The following AKAP9 variants were observed in gnomAD, a reference collection of about 807,000 sequenced individuals.
AKAP9 encodes the protein A-kinase anchoring protein 9, also known as A-kinase anchor protein 9.
A neutral mutation model predicts 488.5 loss-of-function variants in AKAP9; 311 were observed. The observed-to-expected ratio is 0.64, with a 90% CI of 0.58 to 0.70. The LOEUF (loss-of-function observed/expected upper bound fraction) is 0.70. Among genes scored for constraint, AKAP9 ranks in the 30% least tolerant of loss-of-function variants. The pLI is 0.00. For synonymous variants in AKAP9, 1,462 were observed against 1,483.5 expected, an observed-to-expected ratio of 0.99 and a Z score of 0.33; for missense variants, 4,215 against 4,374.5, an observed-to-expected ratio of 0.96 and a Z score of 1.03.
intron 22 of AKAP9, among the ~76,000 whole-genome samples, chr7:92,054,824 T>C (rs1184141839): frequency 1.3e-5 from 2 of 152,036 alleles, no homozygotes; most frequent in Admixed American, 6.6e-5. Context: ...TTGGGGTAGC[T>C]TTCATGATAG....
chr7:92,075,954 G>A (rs1563095502), intron 28 of AKAP9, among the ~76,000 whole-genome samples: 1 of 152,158 alleles, frequency 6.6e-6, no homozygotes, highest in Non-Finnish European at 1.5e-5. Flanking sequence ...GTCACTAAGT[G>A]TTGCTGAGGA....
intron 16 of AKAP9, among the ~76,000 whole-genome samples, chr7:92,036,475 G>A (rs946835586): frequency 1.3e-5 from 2 of 152,000 alleles, no homozygotes; most frequent in Non-Finnish European, 2.9e-5. Context: ...TAGAGATGAG[G>A]TATTTGTTTT....
chr7:92,097,110 G>A lies in AKAP9; in HGVS notation c.10151G>A (p.Arg3384Lys), dbSNP rs1488696055. ...ACACGACAGCAAATGGAAAAAGATA[G>A]GCAGGTTCACAGGAAAACACTGCAG... ...LQTRQQMEKDRQVHRKTLQTE... is the reference protein window; with the variant it reads ...LQTRQQMEKDKQVHRKTLQTE... The change falls in exon 41 of 50, where the codon AGG (arginine) becomes AAG (lysine). Residue 3384 changes from arginine to lysine, a missense_variant. Around this residue, in one of 5 missense-constraint regions of AKAP9, gnomAD observed 1,476 missense variants for 1,477.4 expected, o/e 1.00. Coordinates refer to ENST00000356239, the MANE Select transcript of AKAP9 (RefSeq NM_005751.5). 5.0e-6 allele frequency: 8 copies of A among 1,614,002 alleles called. No individual in the cohort carries two copies. Among genetic ancestry groups the A allele is most frequent in the Admixed American group, 1.7e-5 (1 of 59,994 alleles).
intron 1 of AKAP9, 100 bp downstream of exon 1, chr7:91,941,247 C>CCTCCCTCTCGGGCAG: frequency 8.3e-7 from 1 of 1,205,366 alleles, no homozygotes; most frequent in Non-Finnish European, 1.2e-6. Flanking sequence ...CCCCAGTGCA[C>CCTCCCTCTCGGGCAG]TGCCCGAGAG....
At chr7:92,062,223 T>A in intron 23 of AKAP9, 51 bp from the exon 24 acceptor site, 1 of 1,506,042 alleles carries the variant, frequency 6.6e-7, no homozygotes. Flanking sequence ...AACCTAGTGG[T>A]TGAATTTGAA....
intron 22 of AKAP9, among the ~76,000 whole-genome samples, chr7:92,053,436 T>C (rs987735224): frequency 2.6e-5 from 4 of 152,174 alleles, no homozygotes; most frequent in African/African-American, 7.2e-5. Context: ...GTGGTTCCAA[T>C]AGGCTACTTG....
intron 22 of AKAP9, among the ~76,000 whole-genome samples, chr7:92,056,367 G>C (rs1234018940): frequency 6.6e-6 from 1 of 151,734 alleles, no homozygotes; most frequent in Non-Finnish European, 1.5e-5. Context: ...TATTTGATAG[G>C]CTAAGCATGG....
chr7:92,036,312 T>A lies in AKAP9; in HGVS notation c.4339-2107T>A, dbSNP rs190538538. 6.7e-3 allele frequency among the ~76,000 whole-genome samples: 1,021 copies of A among 151,400 alleles called. 9 individuals carry two copies. The highest frequency in any genetic ancestry group is 0.01 in the Non-Finnish European group (686 of 67,832). On this transcript the variant is annotated intron_variant, in intron 16 of 49. Transcript: ENST00000356239. ...GGTGTTCTCTTTTCTCCTTTTTTTT[T>A]AATTTTTTTTATTTTAAGAGATGGG...
chr7:92,106,942 T>G (rs1484967786), intron 47 of AKAP9, among the ~76,000 whole-genome samples: 1 of 152,212 alleles, frequency 6.6e-6, no homozygotes, highest in Non-Finnish European at 1.5e-5. Context: ...GTCTAATATT[T>G]TTTATCCACA....
Position 92,031,550 on chromosome 7 carries a change from C to T in AKAP9, c.4284C>T (p.Ile1428=), listed in dbSNP as rs1167743012. The change falls in exon 16 of 50, where the codon ATC becomes ATT. Residue 1428 remains isoleucine (I), a synonymous_variant. Coordinates refer to ENST00000356239, the MANE Select transcript of AKAP9 (RefSeq NM_005751.5). ...GEFGVKEETN[I]VKLLEKQYQE... ...TTGGAGTGAAAGAGGAAACAAATATCGTTAAGTTGCTTGAAAAACAATACC... is the reference window on the plus strand; with the variant it reads ...TTGGAGTGAAAGAGGAAACAAATATTGTTAAGTTGCTTGAAAAACAATACC... 6.2e-6 allele frequency: 10 copies of T among 1,612,598 alleles called. No individual in the cohort carries two copies. The highest frequency in any genetic ancestry group is 1.7e-4 in the Middle Eastern group (1 of 6,042).
intron 1 of AKAP9, among the ~76,000 whole-genome samples, chr7:91,953,256 G>T (rs1792502436): frequency 6.6e-6 from 1 of 152,192 alleles, no homozygotes; most frequent in Non-Finnish European, 1.5e-5. Context: ...TAAGAAAAAT[G>T]TGGTCAAGGT....
intron 39 of AKAP9, 41 bp from the exon 40 acceptor site, chr7:92,094,982 C>T: frequency 1.2e-6 from 2 of 1,602,384 alleles, no homozygotes; most frequent in Middle Eastern, 1.7e-4. Context: ...TATGCTTCGT[C>T]AACATAGCTT....
At chr7:91,945,297 A>G (rs1791327644) in intron 1 of AKAP9, among the ~76,000 whole-genome samples, 1 of 152,228 alleles carries the variant, frequency 6.6e-6, no homozygotes, top group East Asian at 1.9e-4. Context: ...ATCTGAGGTC[A>G]GGAGTTTGAG....
chr7:92,079,904 C>A lies in AKAP9; in HGVS notation c.7771C>A (p.Gln2591Lys). ...PERTNIQNLN[Q>K]LREDELGSDI... ...AAGAACAAATATTCAGAATTTAAAT[C>A]AACTAAGAGAAGATGAGTTGGGGTC... Residue 2591 changes from glutamine (Q) to lysine (K), a missense_variant, in exon 31 of 50, where the codon CAA becomes AAA. By Grantham distance (53) the Gln-to-Lys change is moderately conservative (BLOSUM62 1). Transcript: ENST00000356239. 1 of 1,613,628 alleles carries A rather than the reference C, an allele frequency of 6.2e-7. No homozygotes were observed. The highest frequency in any genetic ancestry group is 1.1e-5 in the South Asian group (1 of 90,992).
chr7:91,955,985 T>G (rs577275309), intron 1 of AKAP9, among the ~76,000 whole-genome samples: 3 of 152,364 alleles, frequency 2.0e-5, no homozygotes, highest in African/African-American at 7.2e-5. Context: ...TTATTATGTA[T>G]TTCCTCATTT....
intron 24 of AKAP9, among the ~76,000 whole-genome samples, chr7:92,064,239 T>G (rs1183565315): frequency 1.3e-5 from 2 of 152,140 alleles, no homozygotes; most frequent in East Asian, 3.8e-4. Context: ...TTTATTTTTA[T>G]GTTAACATCT....
chr7:92,054,894 A>G (rs1457590243), intron 22 of AKAP9, among the ~76,000 whole-genome samples: 1 of 152,022 alleles, frequency 6.6e-6, no homozygotes, highest in Non-Finnish European at 1.5e-5. Flanking sequence ...TCTCTTTAAC[A>G]CAATCCTTAT....
At chr7:92,035,197 C>T (rs1255926305) in intron 16 of AKAP9, among the ~76,000 whole-genome samples, 20 of 152,202 alleles carry the variant, frequency 1.3e-4, no homozygotes, top group Admixed American at 1.1e-3. Context: ...TTATTTCCCC[C>T]GTGACTTCCT....
intron 7 of AKAP9, among the ~76,000 whole-genome samples, chr7:92,000,624 T>C (rs1268885942): frequency 1.3e-5 from 2 of 152,220 alleles, no homozygotes; most frequent in African/African-American, 4.8e-5. Context: ...AAATTTCTTC[T>C]AAGAAGGCCA....
Sources: gnomAD v4.1 joint callset for allele counts (sites outside exome capture counted in the v4.1 genomes callset) on GRCh38, gnomAD v4.1.1 for gene constraint, gnomAD v4.1.1 regional missense constraint, MANE v1.5 for transcripts, NCBI Gene and HGNC (gene_info 2026-07-23, HGNC 2026-07-21) for gene names.